The following APEH variants were observed in gnomAD, a reference collection of about 807,000 sequenced individuals.
APEH encodes the protein acylamino-acid-releasing enzyme.
APEH carries 75 observed loss-of-function variants against 102.7 expected under a neutral mutation model. The observed-to-expected ratio is 0.73, with a 90% CI of 0.61 to 0.89. The LOEUF (loss-of-function observed/expected upper bound fraction) is 0.89, where lower values mean the gene tolerates loss of function less well. APEH is among the 40% of genes least tolerant of loss of function. APEH has a pLI of 0.00. For missense variants in APEH, 863 were observed against 941.2 expected, an observed-to-expected ratio of 0.92 and a Z score of 1.09; for synonymous variants, 344 against 362.7, an observed-to-expected ratio of 0.95 and a Z score of 0.59.
At chr3:49,681,534 G>A (rs573372813) in intron 15 of APEH, among the ~76,000 whole-genome samples, 188 bp from the exon 16 acceptor site, 92 of 152,326 alleles carry the variant, frequency 6.0e-4, no homozygotes, top group African/African-American at 2.1e-3. Flanking sequence ...GAATGCTGTT[G>A]CTGCAGGATG....
intron 5 of APEH, 23 bp from the exon 6 acceptor site, chr3:49,676,033 T>A: frequency 6.2e-7 from 1 of 1,613,780 alleles, no homozygotes; most frequent in Non-Finnish European, 8.5e-7. Flanking sequence ...GGGCCCCCCC[T>A]GATTGGCCCT....
Position 49,679,630 on chromosome 3 carries a change from C to T in APEH, c.1196C>T (p.Thr399Ile). 3 of 1,613,844 alleles carry T rather than the reference C, an allele frequency of 1.9e-6. 1 individual carries two copies. The highest frequency in any genetic ancestry group is 2.2e-5 in the South Asian group (2 of 91,078). ...FAVDTQVGTVTSLTAGGSGGS... is the reference protein window; with the variant it reads ...FAVDTQVGTVISLTAGGSGGS... Reference sequence around the variant, plus strand: ...GTGGACACCCAAGTGGGCACTGTGACCTCCCTCACAGCTGGTGAGCAAGGC... The same window carrying T: ...GTGGACACCCAAGTGGGCACTGTGATCTCCCTCACAGCTGGTGAGCAAGGC... The change falls in exon 13 of 22, where the codon ACC becomes ATC. Residue 399 changes from threonine to isoleucine, a missense_variant. By Grantham distance (89) the Thr-to-Ile change is moderately conservative (BLOSUM62 -1). Coordinates refer to ENST00000296456, the MANE Select transcript of APEH (RefSeq NM_001640.4). The surrounding 1 kb of genome is among the most constrained non-coding windows in gnomAD (Gnocchi z 4.3).
Position 49,676,209 on chromosome 3 carries a change from A to C in APEH, c.596A>C (p.Gln199Pro). The C allele has an allele frequency of 6.2e-7, 1 of 1,613,974 alleles. No homozygotes were observed. Among genetic ancestry groups the C allele is most frequent in the Non-Finnish European group, 8.5e-7 (1 of 1,179,980 alleles). Residue 199 changes from glutamine (Q) to proline (P), a missense_variant, in exon 6 of 22, where the codon CAA becomes CCA. Physicochemically the swap from Gln to Pro is moderately conservative, Grantham distance 76 (BLOSUM62 -1). Coordinates refer to ENST00000296456, the MANE Select transcript of APEH (RefSeq NM_001640.4). Reference protein sequence around the residue: ...DEIARLKKPDQAIKGDQFVFY... With the variant: ...DEIARLKKPDPAIKGDQFVFY... Reference sequence around the variant, plus strand: ...ATAGCCAGGCTGAAGAAGCCAGACCAAGCCATCAAGGTGCTCGTGGTCAAT... The same window carrying C: ...ATAGCCAGGCTGAAGAAGCCAGACCCAGCCATCAAGGTGCTCGTGGTCAAT...
Position 49,681,914 on chromosome 3 carries a change from C to T in APEH, c.1550C>T (p.Ala517Val), listed in dbSNP as rs201058339. ...GGGCCCCATTCATCCTTTGTCACTG[C>T]CTGGATGCTGTTCCCAGCCATGCTT... ...HGGPHSSFVT[A>V]WMLFPAMLCK... The change falls in exon 17 of 22, where the codon GCC (alanine) becomes GTC (valine). Residue 517 changes from alanine (A) to valine (V), a missense_variant. Physicochemically the swap from Ala to Val is moderately conservative, Grantham distance 64. Coordinates refer to ENST00000296456, the MANE Select transcript of APEH (RefSeq NM_001640.4). The T allele has an allele frequency of 1.2e-6, 2 of 1,614,220 alleles. No homozygotes were observed. The highest frequency in any genetic ancestry group is 2.2e-5 in the East Asian group (1 of 44,880).
At chr3:49,674,437 C>T in intron 1 of APEH, 24 bp downstream of exon 1, 1 of 1,573,578 alleles carries the variant, frequency 6.4e-7, no homozygotes, top group Non-Finnish European at 8.6e-7. Context: ...CCGCGGTCCC[C>T]GTGGTCCCTG....
chr3:49,680,822 G>A (rs945614214), intron 14 of APEH, among the ~76,000 whole-genome samples, 193 bp downstream of exon 14: 22 of 152,226 alleles, frequency 1.4e-4, no homozygotes, highest in African/African-American at 4.6e-4. Flanking sequence ...AATCTGCTCC[G>A]TACAAAACAA....
At chr3:49,673,935 G>C (rs1357407474), upstream of APEH, 2 of 188,644 alleles carry the variant, frequency 1.1e-5, no homozygotes, top group East Asian at 1.5e-4. Context: ...CATTCCCCTC[G>C]GGCCCCGCCC....
At chr3:49,675,054 TGTCA>T in intron 2 of APEH, 125 bp from the exon 3 acceptor site, 1 of 1,278,626 alleles carries the variant, frequency 7.8e-7, no homozygotes, top group Non-Finnish European at 1.1e-6. Flanking sequence ...GCAGCCAGGG[TGTCA>T]GTGTCTGGAG....
At chr3:49,680,440 C>T in intron 13 of APEH, 101 bp from the exon 14 acceptor site, 2 of 1,081,236 alleles carry the variant, frequency 1.8e-6, no homozygotes, top group South Asian at 2.6e-5. Context: ...GAGAAAAGGG[C>T]ACCTTTCCAT....
intron 17 of APEH, 127 bp from the exon 18 acceptor site, chr3:49,682,221 C>A (rs890914520): frequency 2.9e-6 from 3 of 1,043,938 alleles, no homozygotes; most frequent in Non-Finnish European, 4.2e-6. Flanking sequence ...TGAGTCCCTT[C>A]CCCTTGACCC....
At chr3:49,674,241 C>T, upstream of APEH, 1 of 931,200 alleles carries the variant, frequency 1.1e-6, no homozygotes, top group Non-Finnish European at 1.5e-6. Context: ...AAGGCCCGCC[C>T]CCTGCCAACG....
rs2108133891 is a variant in APEH at position 49,683,664 on chromosome 3, T to C, written c.*322T>C. The C allele has an allele frequency of 2.2e-6, 1 of 463,048 alleles. No homozygotes were observed. Among genetic ancestry groups the C allele is most frequent in the East Asian group, 4.2e-5 (1 of 23,704 alleles). The allele number at this position is 463,048 out of a possible 1,614,324, so 28.7% of individuals were successfully genotyped here. ...TGAGAGGCTTAGCCTCTGCCTGTCC[T>C]GGCAACCAGGACTCTGTACCAGCCT... On this transcript the variant is annotated 3_prime_UTR_variant, in exon 22 of 22. Transcript: ENST00000296456.
In APEH at chr3:49,676,668, C is replaced by G. The variant is rs1261293797; in HGVS notation, c.804C>G (p.Phe268Leu). 2 of 1,614,150 alleles carry G rather than the reference C, an allele frequency of 1.2e-6. No individual in the cohort carries two copies. The highest frequency in any genetic ancestry group is 1.3e-5 in the African/African-American group (1 of 74,946). Residue 268 changes from phenylalanine to leucine, a missense_variant, in exon 8 of 22, where the codon TTC becomes TTG. Phe to Leu is a conservative substitution (Grantham distance 22). Coordinates refer to ENST00000296456, the MANE Select transcript of APEH (RefSeq NM_001640.4). Reference protein sequence around the residue: ...VVFVGWWHEPFRLGIRFCTNR... With the variant: ...VVFVGWWHEPLRLGIRFCTNR... Reference sequence around the variant, plus strand: ...TTGTGGGCTGGTGGCATGAGCCCTTCCGGTTGGGCATCCGCTTTTGCACCA... The same window carrying G: ...TTGTGGGCTGGTGGCATGAGCCCTTGCGGTTGGGCATCCGCTTTTGCACCA...
Position 49,682,918 on chromosome 3 carries a change from C to T in APEH, c.1959C>T (p.Asp653=). ...PDLSVWAEML[D]KSPIRYIPQV... Reference sequence around the variant, plus strand: ...TCAGCGTGTGGGCTGAGATGCTGGACAAATCGCCCATCAGATACATCCCTC... The same window carrying T: ...TCAGCGTGTGGGCTGAGATGCTGGATAAATCGCCCATCAGATACATCCCTC... The change falls in exon 20 of 22, where the codon GAC becomes GAT. Residue 653 remains aspartate (D), a synonymous_variant. Coordinates refer to ENST00000296456, the MANE Select transcript of APEH (RefSeq NM_001640.4). The T allele has an allele frequency of 1.2e-6, 2 of 1,614,006 alleles. No individual in the cohort carries two copies. The highest frequency in any genetic ancestry group is 1.7e-6 in the Non-Finnish European group (2 of 1,180,024).
At chr3:49,680,927 G>C (rs2053290345) in intron 14 of APEH, among the ~76,000 whole-genome samples, 174 bp from the exon 15 acceptor site, 1 of 152,250 alleles carries the variant, frequency 6.6e-6, no homozygotes, top group Non-Finnish European at 1.5e-5. Flanking sequence ...GTGTGTGATT[G>C]TATGAGTATG....
chr3:49,676,846 G>A (rs758841193), intron 9 of APEH, 29 bp downstream of exon 9: 6 of 1,614,244 alleles, frequency 3.7e-6, no homozygotes, highest in Non-Finnish European at 4.2e-6. Flanking sequence ...CCTGTGCTTT[G>A]CTGACACATG....
In APEH at chr3:49,679,337, C is replaced by T. The variant is rs1308943900; in HGVS notation, c.1159-256C>T. Reference sequence around the variant, plus strand: ...CTCCTTTTGGGTGTGATATTTGGTCCTTGTGCCAACTCAAAGGGGCTCAAA... The same window carrying T: ...CTCCTTTTGGGTGTGATATTTGGTCTTTGTGCCAACTCAAAGGGGCTCAAA... On this transcript the variant is annotated intron_variant, in intron 12 of 21. Transcript: ENST00000296456. This position sits in a 1 kb window ranked among gnomAD's most constrained non-coding sequence, Gnocchi z 4.3. Among the ~76,000 whole-genome samples, 1 of 152,174 alleles carries T rather than the reference C, an allele frequency of 6.6e-6. No individual in the cohort carries two copies. The highest frequency in any genetic ancestry group is 1.9e-4 in the East Asian group (1 of 5,186).
intron 15 of APEH, 115 bp from the exon 16 acceptor site, chr3:49,681,607 C>A: frequency 1.1e-6 from 1 of 948,832 alleles, no homozygotes. Flanking sequence ...ATGGTGTGGA[C>A]TACCTTGGCC....
rs1004692074 is a variant in APEH, at chr3:49,676,924, T to G, written c.899T>G (p.Leu300Arg). 5 of 1,614,104 alleles carry G rather than the reference T, an allele frequency of 3.1e-6. No individual in the cohort carries two copies. The highest frequency in any genetic ancestry group is 1.3e-5 in the African/African-American group (1 of 74,946). ...CCAGAGCTCCTCTCGGATGACTCCC[T>G]GGCTGTCTCTTCTCCCCGGCTGAGC... ...GKCELLSDDSLAVSSPRLSPD... is the reference protein window; with the variant it reads ...GKCELLSDDSRAVSSPRLSPD... Residue 300 changes from leucine to arginine, a missense_variant, in exon 10 of 22, where the codon CTG becomes CGG. Leu to Arg is a moderately radical substitution (Grantham distance 102). Transcript: ENST00000296456.
Sources: allele counts gnomAD v4.1 joint callset (sites outside exome capture counted in the v4.1 genomes callset), GRCh38; gene constraint gnomAD v4.1.1; non-coding constraint Gnocchi (gnomAD v3.1); transcripts MANE v1.5; gene names NCBI Gene and HGNC (gene_info 2026-07-23, HGNC 2026-07-21).